SKOR2: variants seen among roughly 807,000 people sequenced by gnomAD.
SKOR2 encodes the protein SKI family transcriptional corepressor 2, also known as LBX1 corepressor 1-like protein.
A neutral mutation model predicts 69.1 loss-of-function variants in SKOR2; 47 were observed. The ratio of observed to expected loss-of-function variants is 0.68; its 90% CI spans 0.54 to 0.87. The LOEUF (loss-of-function observed/expected upper bound fraction) is 0.87, where lower values mean the gene tolerates loss of function less well. Ranked by LOEUF, SKOR2 falls within the 40% of genes least tolerant of loss-of-function variation. The pLI, the probability that SKOR2 is intolerant of heterozygous loss-of-function variation, is 0.00. For missense variants in SKOR2, 1,404 were observed against 1,472.2 expected (o/e 0.95, Z 0.76); for synonymous variants, 717 against 672.6 (o/e 1.07, Z -1.02).
At chr18:47,245,300 C>G (rs1373399117) in intron 3 of SKOR2, among the ~76,000 whole-genome samples, 198 bp downstream of exon 3, 2 of 151,976 alleles carry the variant, frequency 1.3e-5, no homozygotes, top group Non-Finnish European at 2.9e-5. Flanking sequence ...AAACTGTCAT[C>G]GTTGGCAAAC....
At chr18:47,207,253 G>C (rs1017501786) in intron 8 of SKOR2, among the ~76,000 whole-genome samples, 2 of 152,274 alleles carry the variant, frequency 1.3e-5, no homozygotes, top group Non-Finnish European at 2.9e-5. Context: ...TGTGGTGTCA[G>C]GGCAACATAG....
chr18:47,247,299 C>A lies in SKOR2; in HGVS notation c.1885G>T (p.Gly629Cys). The stretch of plus-strand genomic sequence containing the variant: ...GCCAGGCTCTCCGCGTCGTCCTTGC[C>A]GCCCACTGGCCGGAAGGCGCTGGAA... ...HHSSAFRPVG[G>C]KDDAESLAKL... The change falls in exon 2 of 9, where the codon GGC (glycine) becomes TGC (cysteine). Residue 629 changes from glycine (G) to cysteine (C), a missense_variant. Physicochemically the swap from Gly to Cys is radical, Grantham distance 159 (BLOSUM62 -3). This residue lies in a region of SKOR2 where 1,266 missense variants were observed against 1,309.9 expected (regional missense o/e 0.97). Transcript: ENST00000425639. The surrounding 1 kb of genome is among the most constrained non-coding windows in gnomAD (Gnocchi z 6.6). 6.7e-7 allele frequency: 1 copy of A among 1,482,536 alleles called. No individual in the cohort carries two copies. Among genetic ancestry groups the A allele is most frequent in the Non-Finnish European group, 8.9e-7 (1 of 1,122,436 alleles). The allele number at this position is 1,482,536 out of a possible 1,614,324, so 91.8% of individuals were successfully genotyped here.
chr18:47,236,383 C>A (rs1013285481), intron 4 of SKOR2, among the ~76,000 whole-genome samples: 4 of 152,170 alleles, frequency 2.6e-5, no homozygotes, highest in African/African-American at 9.7e-5. Context: ...GTGCCCTCTC[C>A]TCTCTTTCTT....
intron 1 of SKOR2, among the ~76,000 whole-genome samples, chr18:47,250,056 A>G (rs1358257272): frequency 1.3e-5 from 2 of 152,236 alleles, no homozygotes; most frequent in African/African-American, 4.8e-5. Flanking sequence ...AGTAGAGGCA[A>G]GGGTGTTAAA....
intron 7 of SKOR2, among the ~76,000 whole-genome samples, chr18:47,218,404 A>G (rs1008771274): frequency 4.6e-5 from 7 of 152,012 alleles, no homozygotes; most frequent in Non-Finnish European, 5.9e-5. Flanking sequence ...ACCCTGGGCA[A>G]CACAGAAAGA....
chr18:47,226,467 C>T lies in SKOR2; in HGVS notation c.2917+3992G>A, dbSNP rs559451074. 2.6e-5 allele frequency among the ~76,000 whole-genome samples: 4 copies of T among 152,286 alleles called. No homozygotes were observed. The East Asian group carries it at 7.7e-4, about 29-fold the overall frequency. On this transcript the variant is annotated intron_variant, in intron 6 of 8. Transcript: ENST00000425639. Reference sequence around the variant, plus strand: ...TAACCTTGATAATGGTGGGGCCCCTCCTAATCCATTTCCCCAAACACCTAC... The same window carrying T: ...TAACCTTGATAATGGTGGGGCCCCTTCTAATCCATTTCCCCAAACACCTAC...
At chr18:47,240,231 G>C (rs545280622) in intron 4 of SKOR2, among the ~76,000 whole-genome samples, 4 of 152,304 alleles carry the variant, frequency 2.6e-5, no homozygotes, top group Admixed American at 6.5e-5. Context: ...GGACTGAAAA[G>C]TGGGGATGAC....
In SKOR2 at chr18:47,247,164, A is replaced by T; in HGVS notation, c.2020T>A (p.Ser674Thr). The change falls in exon 2 of 9, where the codon TCG (serine) becomes ACG (threonine). Residue 674 changes from serine to threonine, a missense_variant. This residue lies in a region of SKOR2 where 1,266 missense variants were observed against 1,309.9 expected (regional missense o/e 0.97). Transcript: ENST00000425639. The surrounding 1 kb of genome is among the most constrained non-coding windows in gnomAD (Gnocchi z 6.6). ...TGCGGGGGCAGCAGCAGAAGCGGCG[A>T]CGGCGGCTGCGGGGGGTGGTGGTGG... Reference protein sequence around the residue: ...HHHHHPPQPPSPLLLLPPQPD... With the variant: ...HHHHHPPQPPTPLLLLPPQPD... 1.1e-6 allele frequency: 1 copy of T among 947,226 alleles called. No homozygotes were observed. Among genetic ancestry groups the T allele is most frequent in the Non-Finnish European group, 1.3e-6 (1 of 787,328 alleles). The allele number at this position is 947,226 out of a possible 1,614,324, so 58.7% of individuals were successfully genotyped here. A position where few individuals can be genotyped will look rare whatever the true frequency, so the allele number is the denominator to read the frequency against.
At chr18:47,218,214 C>G (rs1238702720) in intron 7 of SKOR2, among the ~76,000 whole-genome samples, 8 of 151,970 alleles carry the variant, frequency 5.3e-5, no homozygotes, top group African/African-American at 1.9e-4. Flanking sequence ...TTCCTAATGC[C>G]CATTTTGCTA....
Position 47,248,311 on chromosome 18 carries a change from TGGCGGCGGC to T in SKOR2, c.864_872del (p.Pro292_Pro294del). The T allele has an allele frequency of 1.7e-6, 2 of 1,202,466 alleles. No homozygotes were observed. Among genetic ancestry groups the T allele is most frequent in the Non-Finnish European group, 2.1e-6 (2 of 971,770 alleles). 74.5% of individuals were successfully genotyped at this position (1,202,466 alleles called of 1,614,324 possible). ...CAGCCAGCTCTGCCAAGGGCGGCGG[TGGCGGCGGC>T]GGCGGCGGGGGCGCACCCAGCAGGT... On this transcript the variant is annotated inframe_deletion, in exon 2 of 9. Transcript: ENST00000425639. This position sits in a 1 kb window ranked among gnomAD's most constrained non-coding sequence, Gnocchi z 6.4.
At chr18:47,236,115 G>T (rs1016866796) in intron 4 of SKOR2, among the ~76,000 whole-genome samples, 4 of 152,158 alleles carry the variant, frequency 2.6e-5, no homozygotes, top group African/African-American at 9.7e-5. Context: ...CTCCCAGGTA[G>T]CTGGGACTAC....
chr18:47,212,003 T>C (rs2144475053), intron 8 of SKOR2, 83 bp downstream of exon 8: 2 of 1,196,764 alleles, frequency 1.7e-6, no homozygotes, highest in Non-Finnish European at 1.0e-6. Context: ...CCTTGGGCTA[T>C]TTCAAACACA....
At chr18:47,237,698 T>C (rs2064230383) in intron 4 of SKOR2, among the ~76,000 whole-genome samples, 1 of 134,282 alleles carries the variant, frequency 7.4e-6, no homozygotes, top group East Asian at 2.1e-4. Context: ...CTTTTCTTTT[T>C]CTTTTTTTTT....
At chr18:47,225,490 C>G (rs1037475415) in intron 6 of SKOR2, among the ~76,000 whole-genome samples, 2 of 152,154 alleles carry the variant, frequency 1.3e-5, no homozygotes, top group Non-Finnish European at 2.9e-5. Context: ...GCTACATACC[C>G]ACAATATGCC....
Position 47,247,550 on chromosome 18 carries a change from G to C in SKOR2, c.1634C>G (p.Pro545Arg). The C allele has an allele frequency of 8.2e-7, 1 of 1,225,324 alleles. No individual in the cohort carries two copies. The highest frequency in any genetic ancestry group is 1.0e-6 in the Non-Finnish European group (1 of 984,552). 75.9% of individuals were successfully genotyped at this position (1,225,324 alleles called of 1,614,324 possible). A position where few individuals can be genotyped will look rare whatever the true frequency, so the allele number is the denominator to read the frequency against. The stretch of plus-strand genomic sequence containing the variant: ...AGAGCCGGCGCCCCCGGCAGGAGGA[G>C]GTGGGCCGGAGCCCGGGCCGTTGGC... ...VVANGPGSGP[P>R]PPAGGAGSRD... The change falls in exon 2 of 9, where the codon CCT becomes CGT. Residue 545 changes from proline (P) to arginine (R), a missense_variant. Pro to Arg is a moderately radical substitution (Grantham distance 103). Transcript: ENST00000425639. This position sits in a 1 kb window ranked among gnomAD's most constrained non-coding sequence, Gnocchi z 6.6.
chr18:47,220,088 G>A (rs937493230), intron 6 of SKOR2, 78 bp from the exon 7 acceptor site: 13 of 1,281,370 alleles, frequency 1.0e-5, no homozygotes, highest in South Asian at 1.3e-5. Flanking sequence ...AAACATTATT[G>A]ACAGTCCCAT....
chr18:47,239,068 T>C (rs2064237623), intron 4 of SKOR2, among the ~76,000 whole-genome samples: 1 of 152,246 alleles, frequency 6.6e-6, no homozygotes, highest in South Asian at 2.1e-4. Context: ...TCTCTGATAC[T>C]CTTAGAGGTA....
chr18:47,245,428 G>T, intron 3 of SKOR2, 70 bp downstream of exon 3: 1 of 1,359,350 alleles, frequency 7.4e-7, no homozygotes, highest in Non-Finnish European at 9.7e-7. Context: ...AGGAGGCTGG[G>T]CATAAGTCTC....
chr18:47,231,219 A>G (rs2064197003), intron 4 of SKOR2: 1 of 1,509,632 alleles, frequency 6.6e-7, no homozygotes, highest in Admixed American at 2.0e-5. Context: ...CTGGCCTGTG[A>G]TGGCAGCTCC....
Sources: allele counts gnomAD v4.1 joint callset (sites outside exome capture counted in the v4.1 genomes callset), GRCh38; gene constraint gnomAD v4.1.1; regional missense constraint gnomAD v4.1.1; non-coding constraint Gnocchi (gnomAD v3.1); transcripts MANE v1.5; gene names NCBI Gene and HGNC (gene_info 2026-07-23, HGNC 2026-07-21).